The following ADRA1A variants were observed in gnomAD, a reference collection of about 807,000 sequenced individuals.
ADRA1A encodes adrenoceptor alpha 1A.
ADRA1A carries 31 observed loss-of-function variants against 29.6 expected under a neutral mutation model. The ratio of observed to expected loss-of-function variants is 1.05; its 90% confidence interval spans 0.79 to 1.41. The LOEUF is 1.41. Ranked by LOEUF, ADRA1A falls within the 40% of genes most tolerant of loss-of-function variation. The pLI, the probability that ADRA1A is intolerant of heterozygous loss-of-function variation, is 0.00. For missense variants in ADRA1A, 619 were observed against 601.1 expected, an observed-to-expected ratio of 1.03 and a Z score of -0.31; for synonymous variants, 311 against 254.3, an observed-to-expected ratio of 1.22 and a Z score of -2.12.
intron 2 of ADRA1A, among the ~76,000 whole-genome samples, chr8:26,818,891 AG>A (rs1357387442): frequency 1.3e-5 from 2 of 151,532 alleles, no homozygotes; most frequent in African/African-American, 4.8e-5. Context: ...TAAGAGGAAA[AG>A]AGAGAGAGAG....
At position 26,815,061 on chromosome 8, in the gene ADRA1A, G is replaced by A. The variant is rs2130562136; in HGVS notation, c.884-44395C>T. ...ATCCTTATGTATTTAACTCACTGTA[G>A]TAATTTAGAAAAACATGTTTTATTT... On this transcript the variant is annotated intron_variant, in intron 2 of 2. Transcript: ENST00000380573. This position sits in a 1 kb window ranked among gnomAD's most constrained non-coding sequence, Gnocchi z 4.2. Among the ~76,000 whole-genome samples, 1 of 152,200 alleles carries A rather than the reference G, an allele frequency of 6.6e-6. No homozygotes were observed. The highest frequency in any genetic ancestry group is 2.1e-4 in the South Asian group (1 of 4,824).
intron 2 of ADRA1A, among the ~76,000 whole-genome samples, chr8:26,835,397 A>G (rs1463295361): frequency 6.6e-6 from 1 of 152,214 alleles, no homozygotes; most frequent in Non-Finnish European, 1.5e-5. Flanking sequence ...AGACTGGGTA[A>G]TTTATAAAGG....
intron 2 of ADRA1A, among the ~76,000 whole-genome samples, chr8:26,838,137 T>A (rs896898172): frequency 6.6e-6 from 1 of 152,220 alleles, no homozygotes; most frequent in Non-Finnish European, 1.5e-5. Flanking sequence ...TTCTACAACA[T>A]GTTTTCTTTT....
intron 2 of ADRA1A, among the ~76,000 whole-genome samples, chr8:26,849,301 G>A (rs538898): frequency 0.24 from 36,491 of 152,128 alleles, 4,700 homozygotes; most frequent in Non-Finnish European, 0.29. Flanking sequence ...CACAGGATCA[G>A]GGCCAGCTTG....
At chr8:26,759,839 T>G (rs1805405709) in intron 2 of ADRA1A, among the ~76,000 whole-genome samples, 1 of 152,268 alleles carries the variant, frequency 6.6e-6, no homozygotes, top group Admixed American at 6.5e-5. Context: ...TGGTTTTGGA[T>G]GGCTTTTGGG....
chr8:26,815,988 A>ATGG lies in ADRA1A; in HGVS notation c.884-45323_884-45322insCCA, dbSNP rs1809727887. Among the ~76,000 whole-genome samples, 1 of 152,164 alleles carries ATGG rather than the reference A, an allele frequency of 6.6e-6. No homozygotes were observed. The highest frequency in any genetic ancestry group is 1.5e-5 in the Non-Finnish European group (1 of 68,028). ...GGTTGCTTTATCATGAGCCTTGAAA[A>ATGG]GTCGCTGGTTCCATGGCAGCTGTAC... On this transcript the variant is annotated intron_variant, in intron 2 of 2. Coordinates refer to ENST00000380573, the MANE Select transcript of ADRA1A (RefSeq NM_000680.4). This position sits in a 1 kb window ranked among gnomAD's most constrained non-coding sequence, Gnocchi z 4.2.
At chr8:26,844,986 C>A (rs1312612872) in intron 2 of ADRA1A, among the ~76,000 whole-genome samples, 1 of 151,706 alleles carries the variant, frequency 6.6e-6, no homozygotes, top group African/African-American at 2.4e-5. Flanking sequence ...TATTGGGCTG[C>A]ATTCAAAGCC....
intron 2 of ADRA1A, among the ~76,000 whole-genome samples, chr8:26,844,138 C>G (rs1448524482): frequency 6.6e-6 from 1 of 152,122 alleles, no homozygotes; most frequent in African/African-American, 2.4e-5. Context: ...TTGTATACTA[C>G]TACCAGTGGG....
At chr8:26,756,853 G>A (rs1434360807) in intron 2 of ADRA1A, 2 of 1,568,812 alleles carry the variant, frequency 1.3e-6, no homozygotes, top group Non-Finnish European at 1.7e-6. Context: ...GCATCAATGT[G>A]ATCACAATTT....
At chr8:26,850,199 C>T (rs1412491389) in intron 2 of ADRA1A, among the ~76,000 whole-genome samples, 1 of 151,740 alleles carries the variant, frequency 6.6e-6, no homozygotes, top group African/African-American at 2.4e-5. Flanking sequence ...AACAGAAGTC[C>T]CCAGTATATA....
chr8:26,820,720 C>A (rs753731629), intron 2 of ADRA1A, among the ~76,000 whole-genome samples: 6 of 152,294 alleles, frequency 3.9e-5, no homozygotes, highest in Admixed American at 6.5e-5. Context: ...GGCTTGATGA[C>A]ACTGAGATTC....
chr8:26,826,814 G>T (rs1000526791), intron 2 of ADRA1A, among the ~76,000 whole-genome samples: 20 of 152,210 alleles, frequency 1.3e-4, no homozygotes, highest in Admixed American at 1.1e-3. Flanking sequence ...TCCTGAATTT[G>T]ACCAGTAGGA....
intron 2 of ADRA1A, among the ~76,000 whole-genome samples, chr8:26,849,481 C>A (rs2130735984): frequency 6.6e-6 from 1 of 152,334 alleles, no homozygotes; most frequent in Middle Eastern, 3.4e-3. Flanking sequence ...ACAAGAGAAA[C>A]AGCCTTTGCT....
rs1278079506 is a variant in ADRA1A at position 26,841,397 on chromosome 8, C to T, written c.883+22690G>A. ...ACCCTTGCACCTCCTTTCTTACTCC[C>T]TTCTAACTGTGAAGGCATCGGGCTT... On this transcript the variant is annotated intron_variant, in intron 2 of 2. Transcript: ENST00000380573. This position sits in a 1 kb window ranked among gnomAD's most constrained non-coding sequence, Gnocchi z 4.4. Among the ~76,000 whole-genome samples, 1 of 152,204 alleles carries T rather than the reference C, an allele frequency of 6.6e-6. No homozygotes were observed. The highest frequency in any genetic ancestry group is 2.4e-5 in the African/African-American group (1 of 41,446).
At chr8:26,797,284 A>G in intron 2 of ADRA1A, among the ~76,000 whole-genome samples, 1 of 151,894 alleles carries the variant, frequency 6.6e-6, no homozygotes, top group South Asian at 2.1e-4. Context: ...TGGGTTTATT[A>G]TTTTTATTTT....
chr8:26,786,231 T>A (rs924124417), intron 2 of ADRA1A, among the ~76,000 whole-genome samples: 12 of 127,516 alleles, frequency 9.4e-5, no homozygotes, highest in African/African-American at 3.4e-4. Context: ...TTTTTATTTT[T>A]ATTTTTAAAT....
chr8:26,848,162 C>T lies in ADRA1A; in HGVS notation c.883+15925G>A, dbSNP rs994314375. 3.3e-5 allele frequency among the ~76,000 whole-genome samples: 5 copies of T among 152,192 alleles called. No homozygotes were observed. Among genetic ancestry groups the T allele is most frequent in the African/African-American group, 4.8e-5 (2 of 41,460 alleles). On this transcript the variant is annotated intron_variant, in intron 2 of 2. Coordinates refer to ENST00000380573, the MANE Select transcript of ADRA1A (RefSeq NM_000680.4). The surrounding 1 kb of genome is among the most constrained non-coding windows in gnomAD (Gnocchi z 4.3). Reference sequence around the variant, plus strand: ...CAGCTCCTGCAAGATGTCACTAATCCCTTGCGTGCCTCAGTTTCCTTATCT... The same window carrying T: ...CAGCTCCTGCAAGATGTCACTAATCTCTTGCGTGCCTCAGTTTCCTTATCT...
chr8:26,847,219 T>TA (rs1812272571), intron 2 of ADRA1A, among the ~76,000 whole-genome samples: 1 of 151,218 alleles, frequency 6.6e-6, no homozygotes, highest in South Asian at 2.1e-4. Context: ...TAAAGTATAA[T>TA]AATAATAAAT....
intron 2 of ADRA1A, among the ~76,000 whole-genome samples, chr8:26,834,962 A>G (rs992171781): frequency 1.3e-5 from 2 of 152,228 alleles, no homozygotes; most frequent in Non-Finnish European, 2.9e-5. Context: ...ATTGTGCACC[A>G]TGATGTTTTT....
Sources: allele counts gnomAD v4.1 joint callset (sites outside exome capture counted in the v4.1 genomes callset), GRCh38; gene constraint gnomAD v4.1.1; non-coding constraint Gnocchi (gnomAD v3.1); transcripts MANE v1.5; gene names NCBI Gene and HGNC (gene_info 2026-07-23, HGNC 2026-07-21).